The following ZC3H12B variants were observed in gnomAD, a reference collection of about 807,000 sequenced individuals.
ZC3H12B encodes zinc finger CCCH-type containing 12B, also known as probable ribonuclease ZC3H12B.
A neutral mutation model predicts 43.9 loss-of-function variants in ZC3H12B; 7 were observed. That is an observed-to-expected ratio of 0.16 (90% confidence interval 0.09 to 0.30). The LOEUF (loss-of-function observed/expected upper bound fraction) is 0.30, where lower values mean the gene tolerates loss of function less well. Ranked by LOEUF, ZC3H12B falls within the 10% of genes least tolerant of loss-of-function variation. ZC3H12B has a pLI of 1.00. For synonymous variants in ZC3H12B, 222 were observed against 241.7 expected (o/e 0.92, Z 0.76); for missense variants, 475 against 670.2 (o/e 0.71, Z 3.22).
intron 2 of ZC3H12B, among the ~76,000 whole-genome samples, chrX:65,391,485 T>C (rs998390510): frequency 2.7e-5 from 3 of 111,475 alleles, no homozygotes; most frequent in African/African-American, 9.8e-5. Flanking sequence ...ATGTGAATTA[T>C]ATTGTGATAA....
chrX:65,314,970 GAGAACAATCATTAAA>G, the ZC3H12B span, among the ~76,000 whole-genome samples: 1 of 110,790 alleles, frequency 9.0e-6, no homozygotes, highest in East Asian at 2.8e-4. Context: ...TTATAATCTT[GAGAACAATCATTAAA>G]ATGGTAGAGA....
the ZC3H12B span, among the ~76,000 whole-genome samples, chrX:65,166,709 G>A: frequency 9.0e-6 from 1 of 111,551 alleles, no homozygotes; most frequent in Non-Finnish European, 1.9e-5. Context: ...TGCACCTGGT[G>A]TTTCTTGACT....
At chrX:65,132,142 GA>G in the ZC3H12B span, among the ~76,000 whole-genome samples, 1 of 111,128 alleles carries the variant, frequency 9.0e-6, no homozygotes, top group Non-Finnish European at 1.9e-5. Context: ...TTAAGATCAA[GA>G]ACGGAATAGT....
intron 3 of ZC3H12B, among the ~76,000 whole-genome samples, chrX:65,447,120 C>A (rs1021592644): frequency 1.8e-5 from 2 of 111,593 alleles, no homozygotes; most frequent in African/African-American, 6.5e-5. Flanking sequence ...CCTTCCCAAT[C>A]TAATCTCCCT....
the ZC3H12B span, among the ~76,000 whole-genome samples, chrX:65,226,366 A>C: frequency 9.0e-6 from 1 of 111,655 alleles, no homozygotes; most frequent in South Asian, 3.8e-4. Flanking sequence ...GAGCGCCTGA[A>C]GGAAGCAATA....
the ZC3H12B span, among the ~76,000 whole-genome samples, chrX:65,160,051 A>G: frequency 2.7e-5 from 3 of 112,059 alleles, no homozygotes; most frequent in Non-Finnish European, 3.8e-5. Context: ...TTCGGATTAT[A>G]TGTTGGATTA....
At chrX:65,114,331 C>G in the ZC3H12B span, among the ~76,000 whole-genome samples, 3 of 109,085 alleles carry the variant, frequency 2.8e-5, no homozygotes, top group Admixed American at 1.0e-4. Context: ...GGTTATAATT[C>G]TTTTAATACT....
the ZC3H12B span, among the ~76,000 whole-genome samples, chrX:65,334,931 T>C: frequency 8.0e-5 from 9 of 111,982 alleles, no homozygotes; most frequent in East Asian, 8.4e-4. Flanking sequence ...GGGAGTCTTA[T>C]CTCTCAGTGG....
chrX:65,049,398 G>A, the ZC3H12B span, among the ~76,000 whole-genome samples: 1 of 111,267 alleles, frequency 9.0e-6, no homozygotes, highest in African/African-American at 3.3e-5. Flanking sequence ...TAGATATCCA[G>A]TTTTTCCGGC....
the ZC3H12B span, among the ~76,000 whole-genome samples, chrX:65,074,691 C>T: frequency 9.0e-6 from 1 of 111,631 alleles, no homozygotes; most frequent in Non-Finnish European, 1.9e-5. Flanking sequence ...CTAATAATTT[C>T]AAATTACCTG....
chrX:65,158,278 G>T, the ZC3H12B span, among the ~76,000 whole-genome samples: 1 of 111,132 alleles, frequency 9.0e-6, no homozygotes. Context: ...AGTTCTTTGG[G>T]TATATAGCCA....
the ZC3H12B span, among the ~76,000 whole-genome samples, chrX:65,131,075 G>A: frequency 8.9e-6 from 1 of 112,090 alleles, no homozygotes; most frequent in African/African-American, 3.2e-5. Flanking sequence ...GATATGGAAG[G>A]CATATTTAGA....
chrX:65,158,000 C>T, the ZC3H12B span, among the ~76,000 whole-genome samples: 1 of 99,067 alleles, frequency 1.0e-5, no homozygotes, highest in African/African-American at 3.6e-5. Flanking sequence ...TCAATTCCCA[C>T]CTATGAGTGA....
chrX:65,084,733 G>A, the ZC3H12B span, among the ~76,000 whole-genome samples: 1 of 112,611 alleles, frequency 8.9e-6, no homozygotes, highest in African/African-American at 3.2e-5. Flanking sequence ...GAGCTACTAT[G>A]CGATCCAGCA....
At chrX:65,141,358 TTTA>T in the ZC3H12B span, among the ~76,000 whole-genome samples, 3 of 110,032 alleles carry the variant, frequency 2.7e-5, no homozygotes, top group Admixed American at 2.9e-4. Context: ...TTTATAATAA[TTTA>T]TTAATATAAA....
At chrX:65,220,949 C>T in the ZC3H12B span, among the ~76,000 whole-genome samples, 1 of 111,378 alleles carries the variant, frequency 9.0e-6, no homozygotes, top group African/African-American at 3.3e-5. Context: ...ATATGATAGG[C>T]CACAAAACAA....
the ZC3H12B span, among the ~76,000 whole-genome samples, chrX:65,129,538 A>G: frequency 9.1e-6 from 1 of 109,952 alleles, no homozygotes; most frequent in East Asian, 2.9e-4. Flanking sequence ...CTGAGCCAGG[A>G]GAAGAAATTT....
At chrX:65,391,626 C>T (rs141084183) in intron 2 of ZC3H12B, among the ~76,000 whole-genome samples, 24 of 111,519 alleles carry the variant, frequency 2.2e-4, no homozygotes, top group Middle Eastern at 4.6e-3. Flanking sequence ...AGGTATGGGG[C>T]TAGTAGAGAA....
chrX:65,160,712 T>C, the ZC3H12B span, among the ~76,000 whole-genome samples: 8 of 111,486 alleles, frequency 7.2e-5, no homozygotes, highest in Admixed American at 3.8e-4. Flanking sequence ...AAAAAACCAG[T>C]GCCTGGATTA....
Sources: gnomAD v4.1 joint callset for allele counts (sites outside exome capture counted in the v4.1 genomes callset) on GRCh38, gnomAD v4.1.1 for gene constraint, MANE v1.5 for transcripts, NCBI Gene and HGNC (gene_info 2026-07-23, HGNC 2026-07-21) for gene names.